The following SEC24B variants were observed in gnomAD, a reference collection of about 807,000 sequenced individuals.
The protein encoded by SEC24B is protein transport protein Sec24B.
In SEC24B, 45 loss-of-function variants were observed where a neutral mutation model predicts 142.8. The observed-to-expected ratio is 0.32, with a 90% confidence interval of 0.25 to 0.40. The LOEUF (loss-of-function observed/expected upper bound fraction) is 0.40, where lower values mean the gene tolerates loss of function less well. Ranked by LOEUF, SEC24B falls within the 10% of genes least tolerant of loss-of-function variation. SEC24B has a pLI of 1.00. For synonymous variants in SEC24B, 574 were observed against 568.2 expected, an observed-to-expected ratio of 1.01 and a Z score of -0.15; for missense variants, 1,409 against 1,526.8, an observed-to-expected ratio of 0.92 and a Z score of 1.29.
intron 6 of SEC24B, among the ~76,000 whole-genome samples, chr4:109,504,974 A>G (rs1736531222): frequency 6.6e-6 from 1 of 152,122 alleles, no homozygotes; most frequent in Admixed American, 6.5e-5. Context: ...TTTTTAGTTG[A>G]AAAGGGGGCT....
At chr4:109,530,497 G>A (rs1371599973) in intron 19 of SEC24B, 33 bp downstream of exon 19, 1 of 1,535,184 alleles carries the variant, frequency 6.5e-7, no homozygotes, top group Non-Finnish European at 8.9e-7. Context: ...ATTTAATATT[G>A]TTTTTTAAAA....
At chr4:109,532,562 A>C in intron 20 of SEC24B, 77 bp from the exon 21 acceptor site, 1 of 997,564 alleles carries the variant, frequency 1.0e-6, no homozygotes, top group Admixed American at 1.8e-5. Context: ...TGCTTCATAA[A>C]GGGTTAGTGA....
intron 3 of SEC24B, among the ~76,000 whole-genome samples, chr4:109,479,303 T>C (rs1733488213): frequency 6.7e-6 from 1 of 149,602 alleles, no homozygotes; most frequent in Non-Finnish European, 1.5e-5. Context: ...CCTTCTCCAT[T>C]CGGTGGTGGT....
At chr4:109,474,440 T>C (rs1417713935) in intron 3 of SEC24B, among the ~76,000 whole-genome samples, 1 of 150,248 alleles carries the variant, frequency 6.7e-6, no homozygotes, top group Non-Finnish European at 1.5e-5. Flanking sequence ...TTTTTTTTTT[T>C]GGAGTTGGGA....
At chr4:109,449,777 T>C (rs75315467) in intron 1 of SEC24B, among the ~76,000 whole-genome samples, 6,869 of 152,226 alleles carry the variant, frequency 0.045, 223 homozygotes, top group Non-Finnish European at 0.068. Context: ...CACCATCACA[T>C]TGGGCCTCAG....
rs551876111 is a variant in SEC24B, at chr4:109,453,798, A to G, written c.134-9103A>G. Among the ~76,000 whole-genome samples, 4 of 152,066 alleles carry G rather than the reference A, an allele frequency of 2.6e-5. No individual in the cohort carries two copies. In the East Asian group the frequency reaches 7.8e-4, roughly 30 times the overall value. On this transcript the variant is annotated intron_variant, in intron 1 of 23. Coordinates refer to ENST00000265175, the MANE Select transcript of SEC24B (RefSeq NM_006323.5). Reference sequence around the variant, plus strand: ...TTGATTGCGGAAGTGATAAATGTCTATGAGATCTTCACAATTTATATTCTT... The same window carrying G: ...TTGATTGCGGAAGTGATAAATGTCTGTGAGATCTTCACAATTTATATTCTT...
At chr4:109,439,225 A>G (rs1233256213) in intron 1 of SEC24B, among the ~76,000 whole-genome samples, 1 of 152,154 alleles carries the variant, frequency 6.6e-6, no homozygotes, top group Non-Finnish European at 1.5e-5. Flanking sequence ...AAATAAACAT[A>G]CCATTCATAC....
At chr4:109,482,967 T>TACAC (rs1432755826) in intron 4 of SEC24B, among the ~76,000 whole-genome samples, 4 of 59,908 alleles carry the variant, frequency 6.7e-5, no homozygotes, top group African/African-American at 4.2e-4. Flanking sequence ...TATATATATA[T>TACAC]ATATATATAT....
chr4:109,534,187 C>G (rs1725239129), intron 22 of SEC24B, among the ~76,000 whole-genome samples: 1 of 151,866 alleles, frequency 6.6e-6, no homozygotes, highest in African/African-American at 2.4e-5. Flanking sequence ...TCAGTAGTAA[C>G]CTTACTCCTT....
intron 22 of SEC24B, among the ~76,000 whole-genome samples, chr4:109,534,817 G>C (rs921342707): frequency 6.6e-6 from 1 of 152,134 alleles, no homozygotes; most frequent in Non-Finnish European, 1.5e-5. Flanking sequence ...TGGGACCACA[G>C]GAGTATGCCA....
chr4:109,474,990 A>G (rs1297145997), intron 3 of SEC24B, among the ~76,000 whole-genome samples: 2 of 152,212 alleles, frequency 1.3e-5, no homozygotes, highest in East Asian at 3.8e-4. Flanking sequence ...TGAGATTGAC[A>G]GAGGTTAGGT....
chr4:109,506,559 T>C (rs1460540305), intron 7 of SEC24B, 47 bp downstream of exon 7: 1 of 1,238,598 alleles, frequency 8.1e-7, no homozygotes, highest in Non-Finnish European at 1.1e-6. Flanking sequence ...ATGAAAACAT[T>C]GTATGACTTT....
chr4:109,464,054 G>T (rs1446193791), intron 2 of SEC24B, among the ~76,000 whole-genome samples: 2 of 152,124 alleles, frequency 1.3e-5, no homozygotes, highest in Non-Finnish European at 2.9e-5. Flanking sequence ...AAAAAGGATG[G>T]TTTGCAGCAG....
chr4:109,498,556 G>C (rs1203722579), intron 6 of SEC24B, among the ~76,000 whole-genome samples: 1 of 152,114 alleles, frequency 6.6e-6, no homozygotes, highest in African/African-American at 2.4e-5. Flanking sequence ...AGTAGAGACA[G>C]GGTTTCACTG....
At chr4:109,460,805 TTTG>T (rs1324507272) in intron 1 of SEC24B, among the ~76,000 whole-genome samples, 1 of 151,218 alleles carries the variant, frequency 6.6e-6, no homozygotes. Context: ...GGATTAATGT[TTTG>T]TTGGTATTAA....
At chr4:109,500,647 C>T (rs189875695) in intron 6 of SEC24B, among the ~76,000 whole-genome samples, 1 of 151,402 alleles carries the variant, frequency 6.6e-6, no homozygotes, top group Admixed American at 6.6e-5. Context: ...TAATGTATTA[C>T]AGAAGAAAGA....
At chr4:109,536,415 A>G (rs573666782) in intron 22 of SEC24B, among the ~76,000 whole-genome samples, 1 of 152,364 alleles carries the variant, frequency 6.6e-6, no homozygotes, top group South Asian at 2.1e-4. Context: ...GGAAAAAACA[A>G]GACTGGATAT....
intron 1 of SEC24B, among the ~76,000 whole-genome samples, chr4:109,461,849 C>G (rs765658943): frequency 2.6e-5 from 4 of 152,130 alleles, no homozygotes; most frequent in Non-Finnish European, 5.9e-5. Flanking sequence ...TGGCTCATGC[C>G]TATAATCCCA....
intron 3 of SEC24B, among the ~76,000 whole-genome samples, chr4:109,477,085 C>T (rs1296954044): frequency 2.7e-5 from 4 of 145,574 alleles, no homozygotes; most frequent in South Asian, 2.2e-4. Context: ...TGCAGTGAGC[C>T]GAGATCCCGC....
Sources: allele counts gnomAD v4.1 joint callset (sites outside exome capture counted in the v4.1 genomes callset), GRCh38; gene constraint gnomAD v4.1.1; transcripts MANE v1.5; gene names NCBI Gene and HGNC (gene_info 2026-07-23, HGNC 2026-07-21).